NAV2: variants seen among roughly 807,000 people sequenced by gnomAD.
NAV2 encodes helicase, APC down-regulated 1.
NAV2 carries 54 observed loss-of-function variants against 223.2 expected under a neutral mutation model. That is an observed-to-expected ratio of 0.24 (90% CI 0.19 to 0.30). The LOEUF is 0.30. Among genes scored for constraint, NAV2 ranks in the 10% least tolerant of loss-of-function variants. The pLI, the probability that NAV2 is intolerant of heterozygous loss-of-function variation, is 1.00. For synonymous variants in NAV2, 1,279 were observed against 1,239.3 expected (o/e 1.03, Z -0.67); for missense variants, 2,806 against 3,147.5 (o/e 0.89, Z 2.60).
In NAV2 at chr11:20,055,761, T is replaced by C. The variant is rs1453642744; in HGVS notation, c.4643-8T>C. The stretch of plus-strand genomic sequence containing the variant: ...TCTAACCTTTTGATTCTATTCCTTT[T>C]ATTCCAGCGAGTCCCACCACTGTCA... On this transcript the variant is annotated splice_polypyrimidine_tract_variant and splice_region_variant and intron_variant, in intron 18 of 37. Transcript: ENST00000349880. 1 of 1,612,324 alleles carries C rather than the reference T, an allele frequency of 6.2e-7. No individual in the cohort carries two copies. Among genetic ancestry groups the C allele is most frequent in the Admixed American group, 1.7e-5 (1 of 59,914 alleles).
At chr11:19,530,944 T>G (rs2044011063) in intron 1 of NAV2, among the ~76,000 whole-genome samples, 1 of 152,236 alleles carries the variant, frequency 6.6e-6, no homozygotes, top group South Asian at 2.1e-4. Flanking sequence ...TTGAAAGCAT[T>G]ATCCTGTGAA....
At chr11:19,879,289 A>G (rs1324301298) in intron 4 of NAV2, among the ~76,000 whole-genome samples, 1 of 152,214 alleles carries the variant, frequency 6.6e-6, no homozygotes, top group Non-Finnish European at 1.5e-5. Flanking sequence ...AATGTAGGGA[A>G]TATTTTGTAT....
At position 20,078,143 on chromosome 11, in the gene NAV2, C is replaced by G. The variant is rs755930683; in HGVS notation, c.5179+39C>G. 2.0e-5 allele frequency: 30 copies of G among 1,483,816 alleles called. No homozygotes were observed. In the East Asian group the frequency reaches 6.9e-4, roughly 34 times the overall value. The allele number at this position is 1,483,816 out of a possible 1,614,324, so 91.9% of individuals were successfully genotyped here. A position where few individuals can be genotyped will look rare whatever the true frequency, so the allele number is the denominator to read the frequency against. ...AACAGCCTTTAGCCAGAAGACCTGC[C>G]TGCCCTTAGGAGCCCTCCCCTGACA... is the stretch of plus-strand genomic sequence containing the variant. On this transcript the variant is annotated intron_variant, in intron 24 of 37. Transcript: ENST00000349880.
intron 10 of NAV2, among the ~76,000 whole-genome samples, chr11:19,956,410 T>TCTCTCTCTCC (rs1212219738): frequency 6.7e-6 from 1 of 150,112 alleles, no homozygotes; most frequent in African/African-American, 2.4e-5. Context: ...TCTCTCTCTC[T>TCTCTCTCTCC]CTCTATCTCT....
At chr11:19,723,785 C>T (rs904275608) in intron 1 of NAV2, among the ~76,000 whole-genome samples, 2 of 152,330 alleles carry the variant, frequency 1.3e-5, no homozygotes, top group Non-Finnish European at 2.9e-5. Context: ...GCTGGCAGGA[C>T]CTTGTTCCTG....
At chr11:19,460,927 A>G (rs1267605795) in intron 1 of NAV2, among the ~76,000 whole-genome samples, 1 of 152,084 alleles carries the variant, frequency 6.6e-6, no homozygotes, top group African/African-American at 2.4e-5. Context: ...TCTACATGCA[A>G]TAGACAGAGT....
chr11:19,564,064 C>G (rs971642407), intron 1 of NAV2, among the ~76,000 whole-genome samples: 1 of 152,242 alleles, frequency 6.6e-6, no homozygotes, highest in Non-Finnish European at 1.5e-5. Flanking sequence ...GCTGCAGCCT[C>G]TGCAATCAGG....
chr11:19,808,738 C>T (rs928754252), intron 1 of NAV2, among the ~76,000 whole-genome samples: 6 of 152,178 alleles, frequency 3.9e-5, no homozygotes, highest in African/African-American at 1.2e-4. Context: ...TAAAACCTGG[C>T]TTATGTTTCC....
intron 25 of NAV2, chr11:20,082,676 C>T: frequency 7.2e-7 from 1 of 1,389,248 alleles, no homozygotes; most frequent in Non-Finnish European, 1.0e-6. Flanking sequence ...CCGCATCCAT[C>T]ACCGTGTCTG....
At chr11:19,432,497 A>G (rs1851071634) in intron 1 of NAV2, among the ~76,000 whole-genome samples, 1 of 152,184 alleles carries the variant, frequency 6.6e-6, no homozygotes, top group Non-Finnish European at 1.5e-5. Context: ...GTATGTTGGG[A>G]AAAAAACCAC....
intron 1 of NAV2, among the ~76,000 whole-genome samples, chr11:19,684,064 G>A (rs1207596698): frequency 6.6e-6 from 1 of 152,068 alleles, no homozygotes; most frequent in African/African-American, 2.4e-5. Context: ...ACTTGATTGC[G>A]AAATCCAAAA....
chr11:20,036,266 A>G (rs956712209), intron 12 of NAV2, among the ~76,000 whole-genome samples, 169 bp downstream of exon 12: 27 of 152,214 alleles, frequency 1.8e-4, no homozygotes, highest in Admixed American at 7.2e-4. Context: ...ACCTGTGTCC[A>G]CAAGGGAGGG....
rs142776100 is a variant in NAV2, at chr11:19,435,294, T to A, written c.75+84267T>A. Among the ~76,000 whole-genome samples the A allele has an allele frequency of 4.2e-3, 645 of 152,322 alleles. 5 individuals are homozygous for A. Among genetic ancestry groups the A allele is most frequent in the African/African-American group, 0.015 (631 of 41,570 alleles). ...TCTTTCTTCTATGAGTCTGGCTTTTTTGGATTCCATATATAAGCGAGACCA... is the reference window on the plus strand; with the variant it reads ...TCTTTCTTCTATGAGTCTGGCTTTTATGGATTCCATATATAAGCGAGACCA... On this transcript the variant is annotated intron_variant, in intron 1 of 37. Transcript: ENST00000360655.
rs989038732 is a variant in NAV2 at position 20,102,146 on chromosome 11, G to A, written c.6417+974G>A. Among the ~76,000 whole-genome samples the A allele has an allele frequency of 2.6e-5, 4 of 152,110 alleles. No homozygotes were observed. In the South Asian group the frequency reaches 8.3e-4, roughly 32 times the overall value. On this transcript the variant is annotated intron_variant, in intron 32 of 37. Coordinates refer to ENST00000349880, the MANE Select transcript of NAV2 (RefSeq NM_145117.5). ...TTGTGTGAGTTAGGGAACTTCTCCT[G>A]GGACCAGTAAGTGAAGGCTCCGCAG...
At position 19,880,441 on chromosome 11, in the gene NAV2, C is replaced by T. The variant is rs1293088662; in HGVS notation, c.770+314C>T. On this transcript the variant is annotated intron_variant, in intron 5 of 37. Coordinates refer to ENST00000349880, the MANE Select transcript of NAV2 (RefSeq NM_145117.5). ...AGCCCCTAAAATAGACTTCAAACAC[C>T]TTTTGTGTGTCTCCCTACAAGCTGA... is the stretch of plus-strand genomic sequence containing the variant. Among the ~76,000 whole-genome samples the T allele has an allele frequency of 2.0e-5, 3 of 152,176 alleles. No individual in the cohort carries two copies. The East Asian group carries it at 5.8e-4, about 29-fold the overall frequency.
intron 11 of NAV2, among the ~76,000 whole-genome samples, chr11:20,021,438 G>A (rs2054499299): frequency 6.6e-6 from 1 of 152,230 alleles, no homozygotes; most frequent in African/African-American, 2.4e-5. Flanking sequence ...TTTAGAGCGT[G>A]TGTGTGCATC....
At chr11:19,628,865 C>G (rs2047255947) in intron 1 of NAV2, among the ~76,000 whole-genome samples, 1 of 152,208 alleles carries the variant, frequency 6.6e-6, no homozygotes, top group South Asian at 2.1e-4. Flanking sequence ...GGCTCAAGCT[C>G]TATCCCAGCT....
At chr11:19,349,024 G>A (rs923791611), upstream of NAV2, among the ~76,000 whole-genome samples, 8 of 152,014 alleles carry the variant, frequency 5.3e-5, no homozygotes, top group African/African-American at 1.9e-4. Flanking sequence ...TAGTGGTGGT[G>A]AGCAAAAAGC....
At chr11:19,672,495 C>T (rs1164608659) in intron 1 of NAV2, among the ~76,000 whole-genome samples, 3 of 152,106 alleles carry the variant, frequency 2.0e-5, no homozygotes, top group Non-Finnish European at 2.9e-5. Flanking sequence ...GTTAATTTTC[C>T]ACCCATAAAG....
Sources: allele counts gnomAD v4.1 joint callset (sites outside exome capture counted in the v4.1 genomes callset), GRCh38; gene constraint gnomAD v4.1.1; transcripts MANE v1.5; gene names NCBI Gene and HGNC (gene_info 2026-07-23, HGNC 2026-07-21).